The following LRP1B variants were observed in gnomAD, a reference collection of about 807,000 sequenced individuals.
The protein encoded by LRP1B is LDL receptor related protein 1B.
LRP1B carries 217 observed loss-of-function variants against 556.6 expected under a neutral mutation model. That is an observed-to-expected ratio of 0.39 (90% confidence interval 0.35 to 0.44). The LOEUF is 0.44. Ranked by LOEUF, LRP1B falls within the 20% of genes least tolerant of loss-of-function variation. The pLI is 1.00. For synonymous variants in LRP1B, 2,047 were observed against 1,865.8 expected (o/e 1.10, Z -2.50); for missense variants, 5,053 against 5,620.8 (o/e 0.90, Z 3.23).
chr2:140,254,082 A>G (rs1573689677), intron 86 of LRP1B, among the ~76,000 whole-genome samples: 1 of 152,076 alleles, frequency 6.6e-6, no homozygotes, highest in Non-Finnish European at 1.5e-5. Context: ...TTCTACAAAA[A>G]CCCAACAAAG....
chr2:140,518,783 T>A (rs556134315), intron 49 of LRP1B, among the ~76,000 whole-genome samples: 1 of 152,286 alleles, frequency 6.6e-6, no homozygotes, highest in African/African-American at 2.4e-5. Context: ...TGATTTTGTA[T>A]CCTGAGACTT....
rs769235168 is a variant in LRP1B at position 140,297,826 on chromosome 2, C to T, written c.12949G>A (p.Gly4317Arg). 1.5e-5 allele frequency: 24 copies of T among 1,613,406 alleles called. No homozygotes were observed. Among genetic ancestry groups the T allele is most frequent in the South Asian group, 1.2e-4 (11 of 91,024 alleles). The change falls in exon 84 of 91, where the codon GGA (glycine) becomes AGA (arginine). Residue 4317 changes from glycine (G) to arginine (R), a missense_variant. Physicochemically the swap from Gly to Arg is moderately radical, Grantham distance 125 (BLOSUM62 -2). Coordinates refer to ENST00000389484, the MANE Select transcript of LRP1B (RefSeq NM_018557.3). ...PYCHCQPEYT[G>R]DRCQYYVCHH... ...TACTTACAGTACTGACATCTGTCTCCGGTGTATTCCGGCTGGCAGTGGCAG... is the reference window on the plus strand; with the variant it reads ...TACTTACAGTACTGACATCTGTCTCTGGTGTATTCCGGCTGGCAGTGGCAG...
intron 1 of LRP1B, among the ~76,000 whole-genome samples, chr2:141,908,598 A>G (rs1254005184): frequency 6.6e-6 from 1 of 152,104 alleles, no homozygotes; most frequent in African/African-American, 2.4e-5. Context: ...TGCTTTTAAT[A>G]TCTTATAATT....
intron 35 of LRP1B, among the ~76,000 whole-genome samples, chr2:140,755,333 C>T (rs527247429): frequency 3.9e-5 from 6 of 152,020 alleles, no homozygotes; most frequent in African/African-American, 1.4e-4. Context: ...ATATGTGTTA[C>T]CCTGATAGCA....
At chr2:142,034,972 T>C (rs532013344) in intron 1 of LRP1B, among the ~76,000 whole-genome samples, 69 of 151,922 alleles carry the variant, frequency 4.5e-4, no homozygotes, top group African/African-American at 1.6e-3. Flanking sequence ...GATATTTCTA[T>C]GCAATTAAAT....
At chr2:141,181,346 T>C (rs1346062635) in intron 7 of LRP1B, among the ~76,000 whole-genome samples, 2 of 151,976 alleles carry the variant, frequency 1.3e-5, no homozygotes, top group African/African-American at 2.4e-5. Flanking sequence ...ATTGTTAATC[T>C]ACCAAAGTAA....
chr2:141,566,849 A>T (rs1481423736), intron 2 of LRP1B, among the ~76,000 whole-genome samples: 1 of 151,892 alleles, frequency 6.6e-6, no homozygotes, highest in East Asian at 1.9e-4. Context: ...AGAGACTGAG[A>T]CTCCCATCTC....
intron 83 of LRP1B, among the ~76,000 whole-genome samples, chr2:140,309,113 T>C (rs1411217305): frequency 1.3e-5 from 2 of 151,846 alleles, no homozygotes; most frequent in African/African-American, 4.8e-5. Context: ...CTTAATGTAA[T>C]GTTTTCCTGG....
At chr2:141,285,248 C>T (rs1685664421) in intron 3 of LRP1B, among the ~76,000 whole-genome samples, 1 of 150,996 alleles carries the variant, frequency 6.6e-6, no homozygotes, top group Admixed American at 6.6e-5. Flanking sequence ...GCCACATGCC[C>T]GGCTAATTTT....
intron 2 of LRP1B, among the ~76,000 whole-genome samples, chr2:141,566,795 GC>G (rs200967929): frequency 0.011 from 1,635 of 152,158 alleles, 14 homozygotes; most frequent in Middle Eastern, 0.017. Context: ...GGTGTTTGAG[GC>G]TGCAGTGAGG....
rs182445179 is a variant in LRP1B, at chr2:140,868,488, C to T, written c.4170-225G>A. Reference sequence around the variant, plus strand: ...TCATAAAATATTTTGAAAAAAATTGCTATGAGAGAGAATAGCAGGTGACTG... The same window carrying T: ...TCATAAAATATTTTGAAAAAAATTGTTATGAGAGAGAATAGCAGGTGACTG... On this transcript the variant is annotated intron_variant, in intron 25 of 90. Coordinates refer to ENST00000389484, the MANE Select transcript of LRP1B (RefSeq NM_018557.3). Among the ~76,000 whole-genome samples, 4 of 151,818 alleles carry T rather than the reference C, an allele frequency of 2.6e-5. No individual in the cohort carries two copies. In the East Asian group the frequency reaches 7.8e-4, roughly 29 times the overall value.
At chr2:141,444,573 T>C (rs1017433885) in intron 3 of LRP1B, among the ~76,000 whole-genome samples, 6 of 152,120 alleles carry the variant, frequency 3.9e-5, no homozygotes, top group Admixed American at 2.0e-4. Flanking sequence ...TTGTCATAAA[T>C]AGTTCTTATT....
At chr2:141,032,826 C>CATACATATAT in intron 11 of LRP1B, among the ~76,000 whole-genome samples, 7 of 126,616 alleles carry the variant, frequency 5.5e-5, no homozygotes, top group African/African-American at 2.1e-4. Context: ...TATATACATA[C>CATACATATAT]ATATATATAT....
intron 3 of LRP1B, among the ~76,000 whole-genome samples, chr2:141,442,672 ACG>A (rs1204936910): frequency 6.6e-6 from 1 of 152,060 alleles, no homozygotes; most frequent in Non-Finnish European, 1.5e-5. Flanking sequence ...GAGTGAGAAC[ACG>A]CGGTGTTTGA....
At chr2:141,108,473 C>T (rs1406833408) in intron 7 of LRP1B, among the ~76,000 whole-genome samples, 5 of 150,734 alleles carry the variant, frequency 3.3e-5, no homozygotes, top group Non-Finnish European at 7.4e-5. Context: ...TTCAGCTTCC[C>T]GAGTAGCTGG....
At chr2:141,155,394 G>A (rs1224359092) in intron 7 of LRP1B, among the ~76,000 whole-genome samples, 3 of 151,726 alleles carry the variant, frequency 2.0e-5, no homozygotes. Flanking sequence ...TTATTGGTAA[G>A]TACATGAAAT....
At chr2:140,445,366 C>T (rs185763843) in intron 63 of LRP1B, among the ~76,000 whole-genome samples, 127 of 152,222 alleles carry the variant, frequency 8.3e-4, no homozygotes, top group African/African-American at 2.6e-3. Flanking sequence ...ATCTGCCCCC[C>T]TCGGGCACCA....
At chr2:140,336,495 A>G (rs963108450) in intron 77 of LRP1B, among the ~76,000 whole-genome samples, 3 of 151,854 alleles carry the variant, frequency 2.0e-5, no homozygotes, top group Non-Finnish European at 4.4e-5. Flanking sequence ...GGATGCTGCT[A>G]GAAAAAATTT....
At chr2:141,638,547 C>A (rs13024341) in intron 2 of LRP1B, among the ~76,000 whole-genome samples, 2 of 118,822 alleles carry the variant, frequency 1.7e-5, no homozygotes, top group Admixed American at 8.3e-5. Flanking sequence ...AAGTTACCAA[C>A]TAGTTCACCA....
Sources: gnomAD v4.1 joint callset for allele counts (sites outside exome capture counted in the v4.1 genomes callset) on GRCh38, gnomAD v4.1.1 for gene constraint, MANE v1.5 for transcripts, NCBI Gene and HGNC (gene_info 2026-07-23, HGNC 2026-07-21) for gene names.